FRMD3: variants seen among roughly 807,000 people sequenced by gnomAD.
The protein encoded by FRMD3 is FERM domain-containing protein 3.
Under a neutral mutation model 70.2 loss-of-function variants are expected in FRMD3, and 33 were observed. The ratio of observed to expected loss-of-function variants is 0.47; its 90% CI spans 0.36 to 0.63. FRMD3 has a LOEUF of 0.63. FRMD3 is among the 20% of genes least tolerant of loss of function. The probability of loss-of-function intolerance (pLI) is 0.00; values close to 1 mark genes in which losing one functional copy is unlikely to be tolerated. For synonymous variants in FRMD3, 279 were observed against 255.9 expected (o/e 1.09, Z -0.86); for missense variants, 632 against 711.4 (o/e 0.89, Z 1.27).
At position 83,494,861 on chromosome 9, in the gene FRMD3, G is replaced by A. The variant is rs541099145; in HGVS notation, c.147+43224C>T. On this transcript the variant is annotated intron_variant, in intron 1 of 13. Coordinates refer to ENST00000304195, the MANE Select transcript of FRMD3 (RefSeq NM_174938.6). Reference sequence around the variant, plus strand: ...TGTGTGTGTGTGTGTGTGTGTGTGCGCGCGCGCATGTGCGTGTGTATATAT... The same window carrying A: ...TGTGTGTGTGTGTGTGTGTGTGTGCACGCGCGCATGTGCGTGTGTATATAT... Among the ~76,000 whole-genome samples the A allele has an allele frequency of 2.4e-3, 272 of 114,922 alleles. 3 individuals are homozygous for A. Among genetic ancestry groups the A allele is most frequent in the African/African-American group, 6.4e-3 (214 of 33,638 alleles). 75.4% of individuals were successfully genotyped at this position (114,922 alleles called of 152,430 possible).
At chr9:83,552,184 T>A in the FRMD3 span, among the ~76,000 whole-genome samples, 1 of 152,250 alleles carries the variant, frequency 6.6e-6, no homozygotes, top group South Asian at 2.1e-4. Flanking sequence ...TTTGTTCTCA[T>A]TATCTTCAAA....
Position 83,335,613 on chromosome 9 carries a change from CATCAGG to C in FRMD3, c.493_498del (p.Pro165_Asp166del). 4 of 1,613,180 alleles carry C rather than the reference CATCAGG, an allele frequency of 2.5e-6. No homozygotes were observed. The highest frequency in any genetic ancestry group is 3.4e-6 in the Non-Finnish European group (4 of 1,179,424). ...TCACTGATGTAATTCTCAGGATGCT[CATCAGG>C]ATCGTAATCACCAAGCTCAGCTGTA... On this transcript the variant is annotated inframe_deletion, in exon 6 of 14. Transcript: ENST00000304195.
At chr9:83,401,204 G>A (rs1825942455) in intron 1 of FRMD3, among the ~76,000 whole-genome samples, 1 of 152,226 alleles carries the variant, frequency 6.6e-6, no homozygotes, top group East Asian at 1.9e-4. Context: ...ACTTAGGGTG[G>A]CTGAATAACT....
intron 1 of FRMD3, among the ~76,000 whole-genome samples, chr9:83,519,737 C>A (rs967733439): frequency 1.3e-5 from 2 of 152,276 alleles, no homozygotes; most frequent in Non-Finnish European, 2.9e-5. Context: ...AGACTTGGAA[C>A]CAACCCAAAT....
At chr9:83,481,262 T>TTGCATATTCCAATGATGCCC (rs1477133237) in intron 1 of FRMD3, among the ~76,000 whole-genome samples, 2 of 152,214 alleles carry the variant, frequency 1.3e-5, no homozygotes, top group African/African-American at 2.4e-5. Flanking sequence ...AAGGGAGGCC[T>TTGCATATTCCAATGATGCCC]TGCATATTCC....
intron 12 of FRMD3, 41 bp from the exon 13 acceptor site, chr9:83,290,768 C>T: frequency 6.4e-7 from 1 of 1,564,320 alleles, no homozygotes. Flanking sequence ...GTTTCCATCA[C>T]AAATGCTGGC....
intron 5 of FRMD3, among the ~76,000 whole-genome samples, 179 bp downstream of exon 5, chr9:83,343,011 G>C (rs564107853): frequency 6.6e-6 from 1 of 152,186 alleles, no homozygotes; most frequent in Non-Finnish European, 1.5e-5. Context: ...GCCTTTCACC[G>C]GGACCCCACT....
intron 3 of FRMD3, 145 bp from the exon 4 acceptor site, chr9:83,349,902 A>G: frequency 1.9e-6 from 1 of 517,780 alleles, no homozygotes; most frequent in South Asian, 2.4e-5. Flanking sequence ...AGAAGCAGAT[A>G]TGATGCCCAA....
intron 5 of FRMD3, among the ~76,000 whole-genome samples, chr9:83,342,042 C>CCTCTCTCTCTCTCT (rs1564024659): frequency 1.7e-5 from 1 of 59,412 alleles, no homozygotes. Context: ...TTGACATAGT[C>CCTCTCTCTCTCTCT]ATCTCTCTCT....
intron 1 of FRMD3, among the ~76,000 whole-genome samples, chr9:83,437,579 G>A (rs114555720): frequency 0.013 from 1,931 of 152,226 alleles, 48 homozygotes; most frequent in African/African-American, 0.043. Context: ...ACGAAGCCTA[G>A]GAAGGTTCCA....
chr9:83,400,737 T>G (rs937853141), intron 1 of FRMD3, among the ~76,000 whole-genome samples: 2 of 152,208 alleles, frequency 1.3e-5, no homozygotes, highest in Non-Finnish European at 2.9e-5. Flanking sequence ...CACACAAATA[T>G]AGTCAACTGA....
intron 1 of FRMD3, among the ~76,000 whole-genome samples, chr9:83,517,154 A>C (rs4263845): frequency 0.39 from 59,467 of 151,780 alleles, 12,128 homozygotes; most frequent in Middle Eastern, 0.46. Context: ...GACATGAAAA[A>C]CCCTTCAAAA....
At chr9:83,358,863 T>TA (rs1200467111) in intron 3 of FRMD3, among the ~76,000 whole-genome samples, 1 of 152,124 alleles carries the variant, frequency 6.6e-6, no homozygotes, top group African/African-American at 2.4e-5. Flanking sequence ...AAGCACAAAC[T>TA]ACCTCTGCAC....
intron 13 of FRMD3, among the ~76,000 whole-genome samples, chr9:83,266,115 T>C (rs913246777): frequency 1.1e-4 from 17 of 152,120 alleles, no homozygotes; most frequent in African/African-American, 4.1e-4. Flanking sequence ...TGCAATAATA[T>C]ATCTTGAACA....
chr9:83,254,100 C>T (rs1490937958), intron 13 of FRMD3, among the ~76,000 whole-genome samples: 9 of 149,748 alleles, frequency 6.0e-5, no homozygotes, highest in Middle Eastern at 3.4e-3. Flanking sequence ...GAACATCACA[C>T]ACTGGGGCCT....
At chr9:83,562,224 G>A in the FRMD3 span, among the ~76,000 whole-genome samples, 1 of 152,152 alleles carries the variant, frequency 6.6e-6, no homozygotes, top group Admixed American at 6.5e-5. Context: ...CACAAATTGG[G>A]ATTAGATTGT....
intron 6 of FRMD3, among the ~76,000 whole-genome samples, chr9:83,317,315 G>C (rs1278442204): frequency 6.6e-6 from 1 of 151,572 alleles, no homozygotes; most frequent in African/African-American, 2.4e-5. Flanking sequence ...CACTCTTCTG[G>C]CCCTCAATGC....
At chr9:83,331,118 T>G (rs778383245) in intron 6 of FRMD3, among the ~76,000 whole-genome samples, 1 of 152,160 alleles carries the variant, frequency 6.6e-6, no homozygotes, top group Non-Finnish European at 1.5e-5. Context: ...CCCAAATGAG[T>G]TGAAAACTTA....
At chr9:83,503,869 T>C (rs966976913) in intron 1 of FRMD3, among the ~76,000 whole-genome samples, 2 of 152,142 alleles carry the variant, frequency 1.3e-5, no homozygotes, top group African/African-American at 2.4e-5. Context: ...AAGGCACAAC[T>C]CATTCGTGCA....
Sources: gnomAD v4.1 joint callset for allele counts (sites outside exome capture counted in the v4.1 genomes callset) on GRCh38, gnomAD v4.1.1 for gene constraint, MANE v1.5 for transcripts, NCBI Gene and HGNC (gene_info 2026-07-23, HGNC 2026-07-21) for gene names.